The following SGMS1 variants were observed in gnomAD, a reference collection of about 807,000 sequenced individuals.
SGMS1 encodes the protein phosphatidylcholine:ceramide cholinephosphotransferase 1.
Under a neutral mutation model 46.2 loss-of-function variants are expected in SGMS1, and 13 were observed. The observed-to-expected ratio is 0.28, with a 90% CI of 0.18 to 0.45. The LOEUF is 0.45. SGMS1 is among the 20% of genes least tolerant of loss of function. The pLI is 1.00. For missense variants in SGMS1, 324 were observed against 519.9 expected, an observed-to-expected ratio of 0.62 and a Z score of 3.66; for synonymous variants, 203 against 187.8, an observed-to-expected ratio of 1.08 and a Z score of -0.66.
chr10:50,440,697 C>T (rs1361419524), intron 5 of SGMS1, among the ~76,000 whole-genome samples: 1 of 152,148 alleles, frequency 6.6e-6, no homozygotes, highest in East Asian at 1.9e-4. Context: ...CGACTTCCTG[C>T]CTCCTGGGTT....
At position 50,530,440 on chromosome 10, in the gene SGMS1, A is replaced by C. The variant is rs554406836; in HGVS notation, c.-588-10519T>G. 2.0e-5 allele frequency among the ~76,000 whole-genome samples: 3 copies of C among 152,348 alleles called. No individual in the cohort carries two copies. The South Asian group carries it at 6.2e-4, about 32-fold the overall frequency. ...TGGGCAAGCCACATAATTCTAATCAAGGGAAAACATATAAAAGGGCTTTCC... is the reference window on the plus strand; with the variant it reads ...TGGGCAAGCCACATAATTCTAATCACGGGAAAACATATAAAAGGGCTTTCC... On this transcript the variant is annotated intron_variant, in intron 2 of 10. Transcript: ENST00000361781.
chr10:50,404,792 C>A (rs1179331403), intron 6 of SGMS1, among the ~76,000 whole-genome samples: 1 of 152,042 alleles, frequency 6.6e-6, no homozygotes, highest in Non-Finnish European at 1.5e-5. Flanking sequence ...TAAACACAAT[C>A]CCCCCAATGG....
chr10:50,588,202 T>C (rs944559390), intron 2 of SGMS1, among the ~76,000 whole-genome samples: 2 of 152,174 alleles, frequency 1.3e-5, no homozygotes, highest in African/African-American at 4.8e-5. Context: ...TGAAGAACCT[T>C]TACTGCTATC....
chr10:50,607,223 T>C (rs1838706136), intron 1 of SGMS1, among the ~76,000 whole-genome samples: 1 of 150,662 alleles, frequency 6.6e-6, no homozygotes, highest in East Asian at 1.9e-4. Context: ...GCTCAAACGA[T>C]CCACCCACCT....
intron 3 of SGMS1, among the ~76,000 whole-genome samples, chr10:50,492,411 C>T (rs1368057960): frequency 3.3e-5 from 5 of 152,172 alleles, no homozygotes; most frequent in African/African-American, 4.8e-5. Flanking sequence ...AAAACCCCAT[C>T]GTCTCAGCCC....
intron 3 of SGMS1, among the ~76,000 whole-genome samples, chr10:50,507,631 A>G (rs1837718556): frequency 6.6e-6 from 1 of 152,114 alleles, no homozygotes; most frequent in Non-Finnish European, 1.5e-5. Context: ...AAATCCTATC[A>G]CTTGCATCCA....
chr10:50,374,723 C>T (rs1302383004), intron 6 of SGMS1, among the ~76,000 whole-genome samples: 1 of 152,098 alleles, frequency 6.6e-6, no homozygotes, highest in Non-Finnish European at 1.5e-5. Flanking sequence ...AGCCTCTCCC[C>T]ACTTGCCCAT....
At chr10:50,549,632 C>A (rs1183012930) in intron 2 of SGMS1, among the ~76,000 whole-genome samples, 1 of 152,108 alleles carries the variant, frequency 6.6e-6, no homozygotes. Context: ...ATGCAGCAAA[C>A]CACCATGGCA....
At chr10:50,536,525 C>T (rs921614242) in intron 2 of SGMS1, among the ~76,000 whole-genome samples, 2 of 152,122 alleles carry the variant, frequency 1.3e-5, no homozygotes, top group Non-Finnish European at 2.9e-5. Flanking sequence ...TATTAAACTG[C>T]TTAATTACAA....
In SGMS1 at chr10:50,307,421, T is replaced by G. The variant is rs181817792; in HGVS notation, c.1063-100A>C. ...TTCCCAAAGGACTCCATACCTGCCCTGCGTGTCCACCCACATATCCCAGCT... is the reference window on the plus strand; with the variant it reads ...TTCCCAAAGGACTCCATACCTGCCCGGCGTGTCCACCCACATATCCCAGCT... On this transcript the variant is annotated intron_variant, in intron 10 of 10. Transcript: ENST00000361781. This position sits in a 1 kb window ranked among gnomAD's most constrained non-coding sequence, Gnocchi z 4.2. 6.5e-4 allele frequency: 635 copies of G among 969,472 alleles called. 2 individuals are homozygous for G. In the African/African-American group the frequency reaches 7.9e-3, roughly 12 times the overall value. The allele number at this position is 969,472 out of a possible 1,614,324, so 60.1% of individuals were successfully genotyped here.
Position 50,507,210 on chromosome 10 carries a change from G to C in SGMS1, c.-498+12621C>G, listed in dbSNP as rs16937779. 6.0e-3 allele frequency among the ~76,000 whole-genome samples: 912 copies of C among 152,300 alleles called. 11 individuals carry two copies. The highest frequency in any genetic ancestry group is 0.021 in the African/African-American group (870 of 41,562). The stretch of plus-strand genomic sequence containing the variant: ...GGTCCCTAAAACCCTGAGAATAAGT[G>C]TGTCAAGTCAAGCTTTCCTAAGGAA... On this transcript the variant is annotated intron_variant, in intron 3 of 10. Transcript: ENST00000361781.
intron 6 of SGMS1, among the ~76,000 whole-genome samples, chr10:50,403,049 A>T (rs1201734553): frequency 6.6e-6 from 1 of 152,224 alleles, no homozygotes; most frequent in Non-Finnish European, 1.5e-5. Context: ...GCTGCCAAAG[A>T]CATTATGTTG....
chr10:50,403,897 A>G (rs1016435356), intron 6 of SGMS1, among the ~76,000 whole-genome samples: 1 of 151,502 alleles, frequency 6.6e-6, no homozygotes, highest in Non-Finnish European at 1.5e-5. Context: ...GATTTCCTCA[A>G]CCCCTACCCT....
At chr10:50,386,516 C>T (rs1477241838) in intron 6 of SGMS1, among the ~76,000 whole-genome samples, 1 of 152,188 alleles carries the variant, frequency 6.6e-6, no homozygotes, top group Non-Finnish European at 1.5e-5. Context: ...CCTATGTCCT[C>T]TCAATGCCTA....
At chr10:50,610,666 C>T (rs1242480400) in intron 1 of SGMS1, among the ~76,000 whole-genome samples, 1 of 152,158 alleles carries the variant, frequency 6.6e-6, no homozygotes, top group African/African-American at 2.4e-5. Flanking sequence ...CTACATGGAC[C>T]ACAGCAGTAA....
At chr10:50,557,995 A>T (rs115470502) in intron 2 of SGMS1, among the ~76,000 whole-genome samples, 2 of 152,220 alleles carry the variant, frequency 1.3e-5, no homozygotes, top group Admixed American at 1.3e-4. Flanking sequence ...TCAGCCAATT[A>T]ACTTATTTAT....
intron 2 of SGMS1, among the ~76,000 whole-genome samples, chr10:50,533,277 C>CT (rs912708832): frequency 1.7e-4 from 26 of 152,018 alleles, no homozygotes; most frequent in Admixed American, 6.6e-4. Context: ...TTTAGGTTTA[C>CT]TTTTTTTGTT....
intron 2 of SGMS1, among the ~76,000 whole-genome samples, chr10:50,570,926 CAG>C (rs1838332064): frequency 6.6e-6 from 1 of 152,022 alleles, no homozygotes. Context: ...CATCAGACAA[CAG>C]AGAGACCCTG....
chr10:50,601,610 T>G (rs1260661756), intron 1 of SGMS1, among the ~76,000 whole-genome samples: 5 of 152,220 alleles, frequency 3.3e-5, no homozygotes, highest in Non-Finnish European at 7.3e-5. Flanking sequence ...AAAGAGGAAT[T>G]AAATTTTAAT....
Sources: gnomAD v4.1 joint callset for allele counts (sites outside exome capture counted in the v4.1 genomes callset) on GRCh38, gnomAD v4.1.1 for gene constraint, Gnocchi (gnomAD v3.1) non-coding constraint, MANE v1.5 for transcripts, NCBI Gene and HGNC (gene_info 2026-07-23, HGNC 2026-07-21) for gene names.